Variants in ELAVL2 observed in about 807,000 individuals in gnomAD.
The protein encoded by ELAVL2 is ELAV-like protein 2.
ELAVL2 carries 4 observed loss-of-function variants against 34.6 expected under a neutral mutation model. The ratio of observed to expected loss-of-function variants is 0.12; its 90% CI spans 0.06 to 0.26. The LOEUF (loss-of-function observed/expected upper bound fraction) is 0.26. Ranked by LOEUF, ELAVL2 falls within the 10% of genes least tolerant of loss-of-function variation. The probability of loss-of-function intolerance (pLI) is 1.00; values close to 1 mark genes in which losing one functional copy is unlikely to be tolerated. For missense variants in ELAVL2, 432 were observed against 442.8 expected, an observed-to-expected ratio of 0.98 and a Z score of 0.22; for synonymous variants, 193 against 154.8, an observed-to-expected ratio of 1.25 and a Z score of -1.83.
At chr9:23,692,941 G>C (rs544596075) in intron 6 of ELAVL2, 57 bp from the exon 7 acceptor site, 1 of 1,525,678 alleles carries the variant, frequency 6.6e-7, no homozygotes, top group South Asian at 1.2e-5. Flanking sequence ...ACAGAGGTTG[G>C]TTATAGCAAT....
At position 23,805,682 on chromosome 9, in the gene ELAVL2, C is replaced by CT. The variant is rs2062123805; in HGVS notation, c.-16+20123dup. Among the ~76,000 whole-genome samples the CT allele has an allele frequency of 3.9e-5, 6 of 152,294 alleles. No homozygotes were observed. The South Asian group carries it at 1.2e-3, about 32-fold the overall frequency. The stretch of plus-strand genomic sequence containing the variant: ...CATGATTAGAGCATCTACCTTAGAC[C>CT]TCAACTTCTCTATCTGCTTCCAAAG... On this transcript the variant is annotated intron_variant, in intron 1 of 6. Coordinates refer to ENST00000397312, the MANE Select transcript of ELAVL2 (RefSeq NM_004432.5).
At chr9:23,754,689 C>CT (rs2053102354) in intron 2 of ELAVL2, among the ~76,000 whole-genome samples, 1 of 152,124 alleles carries the variant, frequency 6.6e-6, no homozygotes, top group African/African-American at 2.4e-5. Context: ...TCTTGAATTC[C>CT]TGACCTCCGG....
At chr9:23,703,951 G>A (rs1197839220) in intron 4 of ELAVL2, among the ~76,000 whole-genome samples, 1 of 152,000 alleles carries the variant, frequency 6.6e-6, no homozygotes, top group Non-Finnish European at 1.5e-5. Flanking sequence ...TTGAAATGGA[G>A]TTTTGCTCTT....
intron 1 of ELAVL2, chr9:23,779,138 C>T (rs1277129292): frequency 6.3e-6 from 6 of 953,706 alleles, no homozygotes; most frequent in South Asian, 4.8e-5. Context: ...TCCAGGTTAA[C>T]GCTCTAAAAA....
intron 1 of ELAVL2, among the ~76,000 whole-genome samples, chr9:23,813,321 G>C (rs527796749): frequency 6.6e-6 from 1 of 152,014 alleles, no homozygotes; most frequent in South Asian, 2.1e-4. Flanking sequence ...CTGGAGTGGG[G>C]GAGAAAAGGC....
At chr9:23,807,365 TTAGAG>T (rs2062374499) in intron 1 of ELAVL2, among the ~76,000 whole-genome samples, 1 of 152,138 alleles carries the variant, frequency 6.6e-6, no homozygotes, top group East Asian at 1.9e-4. Context: ...TTCCAATTGC[TTAGAG>T]TAATTTCCCA....
rs1223954835 is a variant in ELAVL2 at position 23,761,990 on chromosome 9, A to G, written c.229+16T>C. 8.7e-6 allele frequency: 14 copies of G among 1,605,642 alleles called. No homozygotes were observed. The East Asian group carries it at 2.7e-4, about 31-fold the overall frequency. ...ACGATCCGTTAAATATAAATCATCT[A>G]CATAAAACTGCTTACCTGTTATTTT... is the stretch of plus-strand genomic sequence containing the variant. On this transcript the variant is annotated intron_variant, in intron 2 of 6. Coordinates refer to ENST00000397312, the MANE Select transcript of ELAVL2 (RefSeq NM_004432.5).
Position 23,750,507 on chromosome 9 carries a change from A to G in ELAVL2, c.229+11499T>C, listed in dbSNP as rs965952479. Among the ~76,000 whole-genome samples, 3 of 152,312 alleles carry G rather than the reference A, an allele frequency of 2.0e-5. No homozygotes were observed. In the South Asian group the frequency reaches 6.2e-4, roughly 32 times the overall value. On this transcript the variant is annotated intron_variant, in intron 2 of 6. Coordinates refer to ENST00000397312, the MANE Select transcript of ELAVL2 (RefSeq NM_004432.5). ...AAGATATTAGATCCCAAATCATTCTACTTGAGAAGGTAGTACACTGTCTGC... is the reference window on the plus strand; with the variant it reads ...AAGATATTAGATCCCAAATCATTCTGCTTGAGAAGGTAGTACACTGTCTGC...
chr9:23,745,481 C>A (rs1427487458), intron 2 of ELAVL2, among the ~76,000 whole-genome samples: 1 of 152,006 alleles, frequency 6.6e-6, no homozygotes, highest in Non-Finnish European at 1.5e-5. Context: ...AAGAAGAACA[C>A]AAAATTGACT....
At chr9:23,810,561 C>T (rs1183734795) in intron 1 of ELAVL2, among the ~76,000 whole-genome samples, 3 of 152,114 alleles carry the variant, frequency 2.0e-5, no homozygotes, top group African/African-American at 7.2e-5. Flanking sequence ...AATACATTCT[C>T]AAACATGAAA....
chr9:23,779,633 C>G (rs2058762666), intron 1 of ELAVL2, among the ~76,000 whole-genome samples: 1 of 151,916 alleles, frequency 6.6e-6, no homozygotes, highest in South Asian at 2.1e-4. Context: ...TGAAGGTAAT[C>G]AACTCACCAT....
chr9:23,782,690 C>T (rs3793590), intron 1 of ELAVL2, among the ~76,000 whole-genome samples: 4,498 of 152,296 alleles, frequency 0.03, 87 homozygotes, highest in East Asian at 0.075. Context: ...AATTAGCGTA[C>T]GTTCCATCCC....
chr9:23,792,727 C>T (rs1237114326), intron 1 of ELAVL2, among the ~76,000 whole-genome samples: 1 of 152,146 alleles, frequency 6.6e-6, no homozygotes, highest in Non-Finnish European at 1.5e-5. Context: ...CCATAACCAT[C>T]CTCTGAATCT....
intron 1 of ELAVL2, among the ~76,000 whole-genome samples, chr9:23,811,716 T>C (rs1042208613): frequency 1.2e-4 from 19 of 152,282 alleles, no homozygotes; most frequent in Admixed American, 9.8e-4. Flanking sequence ...CCCAGCTTCA[T>C]GTAGTTTGAA....
intron 3 of ELAVL2, among the ~76,000 whole-genome samples, chr9:23,713,906 G>A (rs1348671890): frequency 6.6e-6 from 1 of 152,030 alleles, no homozygotes; most frequent in Non-Finnish European, 1.5e-5. Flanking sequence ...CCAGGTCTTG[G>A]CTCTGTTACT....
At chr9:23,700,789 G>A (rs2036921548) in intron 5 of ELAVL2, among the ~76,000 whole-genome samples, 1 of 151,952 alleles carries the variant, frequency 6.6e-6, no homozygotes, top group South Asian at 2.1e-4. Flanking sequence ...TAGTCACATA[G>A]GTTATATACC....
chr9:23,718,822 C>G (rs2042951639), intron 3 of ELAVL2, among the ~76,000 whole-genome samples: 1 of 152,094 alleles, frequency 6.6e-6, no homozygotes, highest in Non-Finnish European at 1.5e-5. Flanking sequence ...ATAGGGAAAG[C>G]TTTTTTTAAA....
intron 5 of ELAVL2, 34 bp from the exon 6 acceptor site, chr9:23,693,520 T>C: frequency 1.9e-6 from 3 of 1,613,896 alleles, no homozygotes; most frequent in Non-Finnish European, 2.5e-6. Flanking sequence ...CTTCAGTTTT[T>C]AATTTTTCCC....
In ELAVL2 at chr9:23,702,976, AAAAAAC is replaced by A. The variant is rs1370717119; in HGVS notation, c.488-1378_488-1373del. On this transcript the variant is annotated intron_variant, in intron 4 of 6. Transcript: ENST00000397312. ...CAAAAAAAAAAAAAAAAAAAAAAAA[AAAAAAC>A]AGCCTCTACACAGCTAGAGTCACCT... is the stretch of plus-strand genomic sequence containing the variant. 1.9e-3 allele frequency among the ~76,000 whole-genome samples: 260 copies of A among 138,432 alleles called. 5 individuals carry two copies. Among genetic ancestry groups the A allele is most frequent in the African/African-American group, 7.2e-3 (242 of 33,842 alleles). The allele number at this position is 138,432 out of a possible 152,430, so 90.8% of individuals were successfully genotyped here.
Sources: allele counts gnomAD v4.1 joint callset (sites outside exome capture counted in the v4.1 genomes callset), GRCh38; gene constraint gnomAD v4.1.1; transcripts MANE v1.5; gene names NCBI Gene and HGNC (gene_info 2026-07-23, HGNC 2026-07-21).